Variants in ANXA8 observed in about 807,000 individuals in gnomAD.
ANXA8 encodes the protein annexin A8.
In ANXA8, 9 loss-of-function variants were observed where a neutral mutation model predicts 26.8. That is an observed-to-expected ratio of 0.34 (90% CI 0.20 to 0.59). The LOEUF (loss-of-function observed/expected upper bound fraction) is 0.59. Among genes scored for constraint, ANXA8 ranks in the 20% least tolerant of loss-of-function variants. The probability of loss-of-function intolerance (pLI) is 0.84; values close to 1 mark genes in which losing one functional copy is unlikely to be tolerated. For missense variants in ANXA8, 83 were observed against 238.5 expected, an observed-to-expected ratio of 0.35 and a Z score of 4.29; for synonymous variants, 39 against 94.8, an observed-to-expected ratio of 0.41 and a Z score of 3.42.
the ANXA8 span, among the ~76,000 whole-genome samples, chr10:47,958,830 T>A: frequency 6.7e-6 from 1 of 149,486 alleles, no homozygotes; most frequent in Admixed American, 6.6e-5. Flanking sequence ...AGCCATCAGA[T>A]CTCACGAGAC....
the ANXA8 span, among the ~76,000 whole-genome samples, chr10:47,932,724 G>C: frequency 8.3e-5 from 5 of 60,226 alleles, no homozygotes; most frequent in Admixed American, 1.7e-4. Context: ...CTCTTTCTCT[G>C]TCTTTCTGTC....
At chr10:47,489,163 A>AC in the ANXA8 span, among the ~76,000 whole-genome samples, 1 of 147,200 alleles carries the variant, frequency 6.8e-6, no homozygotes, top group Admixed American at 6.8e-5. Flanking sequence ...GACTATAGGC[A>AC]CCCACCACCA....
chr10:47,944,369 G>A, the ANXA8 span, among the ~76,000 whole-genome samples: 1,922 of 148,558 alleles, frequency 0.013, 43 homozygotes, highest in African/African-American at 0.047. Context: ...GCATCATGCT[G>A]GCTTCCGGAC....
the ANXA8 span, among the ~76,000 whole-genome samples, chr10:47,573,226 C>T: frequency 6.7e-6 from 1 of 149,332 alleles, no homozygotes; most frequent in Non-Finnish European, 1.5e-5. Flanking sequence ...TCGTTATCCA[C>T]CCACCTTGGC....
the ANXA8 span, chr10:47,563,558 C>G: frequency 5.9e-6 from 5 of 841,818 alleles, no homozygotes; most frequent in Admixed American, 5.2e-5. Context: ...AATATATCCC[C>G]TTCTTTCTCA....
At chr10:47,488,848 C>T (rs1840093988), upstream of ANXA8, among the ~76,000 whole-genome samples, 3 of 146,048 alleles carry the variant, frequency 2.1e-5, no homozygotes, top group South Asian at 6.7e-4. Context: ...CTGCCTCAGC[C>T]TCCCGAGTAG....
chr10:47,589,765 C>T, the ANXA8 span, among the ~76,000 whole-genome samples: 2 of 145,210 alleles, frequency 1.4e-5, no homozygotes, highest in African/African-American at 2.8e-5. Context: ...GGTATTGCTG[C>T]CCACATTTGC....
chr10:47,505,431 T>C, the ANXA8 span, among the ~76,000 whole-genome samples: 2 of 130,698 alleles, frequency 1.5e-5, no homozygotes, highest in Non-Finnish European at 3.2e-5. Context: ...TAAAAATTAA[T>C]GTTGTTAAAT....
chr10:47,684,283 C>T, the ANXA8 span, among the ~76,000 whole-genome samples: 1 of 152,214 alleles, frequency 6.6e-6, no homozygotes, highest in Admixed American at 6.5e-5. Context: ...CCTGCCCTTG[C>T]CAGTTTCCAT....
the ANXA8 span, among the ~76,000 whole-genome samples, chr10:47,736,758 G>A: frequency 3.2e-4 from 45 of 142,146 alleles, no homozygotes; most frequent in South Asian, 8.3e-3. Context: ...GGGTTCAAGC[G>A]ATTCTCCTGC....
chr10:47,733,185 C>CTT, the ANXA8 span, among the ~76,000 whole-genome samples: 1 of 113,718 alleles, frequency 8.8e-6, no homozygotes. Context: ...TTCTTTCTTT[C>CTT]TTTCTTTCTT....
At chr10:47,484,485 G>C (rs1839987274), upstream of ANXA8, 22 of 1,139,882 alleles carry the variant, frequency 1.9e-5, no homozygotes, top group Admixed American at 2.6e-4. Context: ...ATTCACCACA[G>C]ATGGGAGGCC....
chr10:47,749,484 G>C, the ANXA8 span, among the ~76,000 whole-genome samples: 11 of 145,824 alleles, frequency 7.5e-5, no homozygotes, highest in East Asian at 2.1e-3. Flanking sequence ...ATTAAAATGA[G>C]TAATAATAAT....
the ANXA8 span, among the ~76,000 whole-genome samples, chr10:47,498,468 C>A: frequency 5.1e-3 from 704 of 137,626 alleles, 9 homozygotes; most frequent in African/African-American, 0.018. Flanking sequence ...TCAGTGTACA[C>A]ATATTTCTAT....
the ANXA8 span, among the ~76,000 whole-genome samples, chr10:47,563,864 G>A: frequency 6.6e-6 from 1 of 151,632 alleles, no homozygotes; most frequent in Non-Finnish European, 1.5e-5. Flanking sequence ...CTTTTTTTAC[G>A]GGAGGGATTT....
At chr10:47,558,158 A>C in the ANXA8 span, among the ~76,000 whole-genome samples, 1 of 151,988 alleles carries the variant, frequency 6.6e-6, no homozygotes, top group Non-Finnish European at 1.5e-5. Flanking sequence ...TCTGTTCAGA[A>C]TAGAAGGAAT....
the ANXA8 span, among the ~76,000 whole-genome samples, chr10:47,595,908 T>G: frequency 6.7e-6 from 1 of 148,634 alleles, no homozygotes. Flanking sequence ...CTTGACCAAT[T>G]GAACCTAATA....
chr10:47,647,214 G>T, the ANXA8 span, among the ~76,000 whole-genome samples: 2 of 152,126 alleles, frequency 1.3e-5, no homozygotes, highest in Non-Finnish European at 2.9e-5. Flanking sequence ...AACTCAATTT[G>T]TATAGGACTC....
the ANXA8 span, among the ~76,000 whole-genome samples, chr10:47,577,166 A>C: frequency 6.7e-6 from 1 of 149,086 alleles, no homozygotes; most frequent in African/African-American, 2.5e-5. Flanking sequence ...TGGAAGTTGC[A>C]GTGAGCTGAG....
Sources: gnomAD v4.1 joint callset for allele counts (sites outside exome capture counted in the v4.1 genomes callset) on GRCh38, gnomAD v4.1.1 for gene constraint, MANE v1.5 for transcripts, NCBI Gene and HGNC (gene_info 2026-07-23, HGNC 2026-07-21) for gene names.